The following CLIC5 variants were observed in gnomAD, a reference collection of about 807,000 sequenced individuals.
CLIC5 encodes chloride intracellular channel protein 5.
Under a neutral mutation model 24.7 loss-of-function variants are expected in CLIC5, and 20 were observed. The observed-to-expected ratio is 0.81, with a 90% CI of 0.57 to 1.18. The LOEUF is 1.18. CLIC5 is among the 50% of genes most tolerant of loss of function. The probability of loss-of-function intolerance (pLI) is 0.00; values close to 1 mark genes in which losing one functional copy is unlikely to be tolerated. For synonymous variants in CLIC5, 159 were observed against 135.6 expected, an observed-to-expected ratio of 1.17 and a Z score of -1.20; for missense variants, 341 against 326.1, an observed-to-expected ratio of 1.05 and a Z score of -0.35.
intron 1 of CLIC5, among the ~76,000 whole-genome samples, chr6:46,075,722 C>T (rs796287623): frequency 1.2e-4 from 18 of 152,268 alleles, no homozygotes; most frequent in African/African-American, 4.3e-4. Context: ...TACTTTCTTC[C>T]TTTGCATTAA....
chr6:46,034,259 C>G (rs1000722132), intron 1 of CLIC5, among the ~76,000 whole-genome samples: 3 of 152,220 alleles, frequency 2.0e-5, no homozygotes, highest in African/African-American at 7.2e-5. Context: ...GGCCTGGACA[C>G]CAGGACTATC....
At chr6:45,883,921 G>C (rs1489121390) in intron 6 of CLIC5, 2 of 152,298 alleles carry the variant, frequency 1.3e-5, no homozygotes, top group African/African-American at 4.8e-5. Context: ...GCTTGTAGTG[G>C]CTGGCAGGCA....
intron 1 of CLIC5, among the ~76,000 whole-genome samples, chr6:46,057,707 C>T (rs1768298239): frequency 6.6e-6 from 1 of 152,196 alleles, no homozygotes; most frequent in Admixed American, 6.5e-5. Flanking sequence ...TTTGGGCTGA[C>T]TTGGCTGGAT....
intron 1 of CLIC5, among the ~76,000 whole-genome samples, chr6:45,971,919 C>T (rs970437257): frequency 1.3e-5 from 2 of 152,158 alleles, no homozygotes; most frequent in African/African-American, 4.8e-5. Flanking sequence ...CTCTTATGGA[C>T]CTTTCTGTAA....
chr6:46,071,949 C>T (rs946652201), intron 1 of CLIC5, among the ~76,000 whole-genome samples: 6 of 152,050 alleles, frequency 3.9e-5, no homozygotes, highest in Admixed American at 3.3e-4. Context: ...ATGGGTAGAG[C>T]TGGAGGCCAT....
At chr6:46,028,181 T>A (rs9472668) in intron 1 of CLIC5, among the ~76,000 whole-genome samples, 1 of 152,124 alleles carries the variant, frequency 6.6e-6, no homozygotes, top group South Asian at 2.1e-4. Context: ...TTGTGGGAAG[T>A]CAACAAATTA....
At chr6:45,913,859 G>A (rs1581725675) in intron 5 of CLIC5, 2 of 1,191,358 alleles carry the variant, frequency 1.7e-6, no homozygotes, top group Non-Finnish European at 2.1e-6. Context: ...TAATAGAGCT[G>A]TAGGGGTGTA....
At chr6:46,125,753 A>T in the CLIC5 span, among the ~76,000 whole-genome samples, 2 of 152,130 alleles carry the variant, frequency 1.3e-5, no homozygotes, top group Non-Finnish European at 2.9e-5. Flanking sequence ...TCTCAGGTAG[A>T]CTTTCCCTTT....
At chr6:46,110,372 C>A in the CLIC5 span, among the ~76,000 whole-genome samples, 4 of 152,216 alleles carry the variant, frequency 2.6e-5, no homozygotes, top group African/African-American at 9.6e-5. Flanking sequence ...GTCACCCCCA[C>A]GACCTGGTGT....
At chr6:46,118,511 C>T in the CLIC5 span, among the ~76,000 whole-genome samples, 1 of 152,128 alleles carries the variant, frequency 6.6e-6, no homozygotes. Flanking sequence ...CGCCTTTCTC[C>T]CTACTACACT....
chr6:45,948,962 C>A (rs563965637), intron 3 of CLIC5, among the ~76,000 whole-genome samples: 1 of 152,088 alleles, frequency 6.6e-6, no homozygotes, highest in Non-Finnish European at 1.5e-5. Flanking sequence ...AGAGAAGGAA[C>A]ATACTGGGGC....
upstream of CLIC5, among the ~76,000 whole-genome samples, chr6:46,016,900 T>C (rs566642669): frequency 5.4e-4 from 83 of 152,348 alleles, no homozygotes; most frequent in South Asian, 0.017. Context: ...TGTGTAGTTG[T>C]GTATCATCCA....
In CLIC5 at chr6:45,971,137, C is replaced by T. The variant is rs560749859; in HGVS notation, c.64-15893G>A. ...CTCTTGGGGCATTCAAATTCACAAG[C>T]ACAAAAAGAACTACATTTTGGGTAC... is the stretch of plus-strand genomic sequence containing the variant. On this transcript the variant is annotated intron_variant, in intron 1 of 5. Coordinates refer to ENST00000339561, the MANE Select transcript of CLIC5 (RefSeq NM_016929.5). 3.3e-5 allele frequency among the ~76,000 whole-genome samples: 5 copies of T among 152,288 alleles called. No homozygotes were observed. In the South Asian group the frequency reaches 1.0e-3, roughly 32 times the overall value.
intron 1 of CLIC5, among the ~76,000 whole-genome samples, chr6:46,073,309 T>C (rs1358575609): frequency 6.6e-6 from 1 of 152,054 alleles, no homozygotes; most frequent in Non-Finnish European, 1.5e-5. Flanking sequence ...AATCCATATA[T>C]CTCCCCCTTA....
exon 7 of CLIC5, chr6:45,881,109 T>G (rs1038055426): frequency 2.3e-5 from 9 of 398,348 alleles, no homozygotes; most frequent in Non-Finnish European, 4.0e-5. Context: ...CATTTTTTTC[T>G]TCTTTCTCTA....
chr6:45,892,897 C>G (rs935570232), intron 6 of CLIC5, among the ~76,000 whole-genome samples: 19 of 152,098 alleles, frequency 1.2e-4, no homozygotes, highest in Admixed American at 3.3e-4. Flanking sequence ...TTTATAGGAG[C>G]TTTTATTATT....
chr6:46,102,605 C>T, the CLIC5 span: 1 of 152,724 alleles, frequency 6.5e-6, no homozygotes, highest in South Asian at 2.1e-4. Flanking sequence ...ATATTATTTT[C>T]TGAGCTTCAG....
chr6:45,895,539 G>A (rs1429074699), downstream of CLIC5, among the ~76,000 whole-genome samples: 1 of 152,136 alleles, frequency 6.6e-6, no homozygotes, highest in East Asian at 1.9e-4. Flanking sequence ...TGGTACAGTG[G>A]GTGTCAGGGA....
chr6:45,945,142 C>G (rs943364235), intron 3 of CLIC5, among the ~76,000 whole-genome samples: 1 of 152,176 alleles, frequency 6.6e-6, no homozygotes, highest in Non-Finnish European at 1.5e-5. Context: ...AGACCCAAAA[C>G]AGGCACTGGC....
Sources: gnomAD v4.1 joint callset for allele counts (sites outside exome capture counted in the v4.1 genomes callset) on GRCh38, gnomAD v4.1.1 for gene constraint, MANE v1.5 for transcripts, NCBI Gene and HGNC (gene_info 2026-07-23, HGNC 2026-07-21) for gene names.